CDH23: variants seen among roughly 807,000 people sequenced by gnomAD.
CDH23 encodes the protein cadherin related 23.
CDH23 carries 189 observed loss-of-function variants against 317.1 expected under a neutral mutation model. The observed-to-expected ratio is 0.60, with a 90% CI of 0.53 to 0.67. The LOEUF is 0.67. CDH23 is among the 30% of genes least tolerant of loss of function. CDH23 has a pLI of 0.00. For synonymous variants in CDH23, 1,839 were observed against 1,876.8 expected (o/e 0.98, Z 0.52); for missense variants, 4,401 against 4,592.4 (o/e 0.96, Z 1.20).
intron 1 of CDH23, among the ~76,000 whole-genome samples, chr10:71,408,139 T>A (rs1848195933): frequency 6.6e-6 from 1 of 152,240 alleles, no homozygotes; most frequent in South Asian, 2.1e-4. Flanking sequence ...GTCTTTGCAA[T>A]GGCTTGATGT....
intron 1 of CDH23, among the ~76,000 whole-genome samples, chr10:71,438,795 C>T (rs1849738975): frequency 6.6e-6 from 1 of 152,226 alleles, no homozygotes; most frequent in African/African-American, 2.4e-5. Flanking sequence ...TGTCTGATGG[C>T]TCTAAGCCTA....
At chr10:71,551,607 C>T (rs1856601087) in intron 6 of CDH23, among the ~76,000 whole-genome samples, 1 of 152,024 alleles carries the variant, frequency 6.6e-6, no homozygotes, top group African/African-American at 2.4e-5. Flanking sequence ...CATGGCCATC[C>T]TAGGAAAGCC....
chr10:71,709,833 G>T (rs1865910554), intron 27 of CDH23, among the ~76,000 whole-genome samples: 1 of 152,126 alleles, frequency 6.6e-6, no homozygotes, highest in Admixed American at 6.5e-5. Context: ...AGGAAAAAGG[G>T]TTTAATGGGA....
intron 14 of CDH23, 28 bp from the exon 15 acceptor site, chr10:71,675,084 T>G (rs765863728): frequency 1.2e-5 from 20 of 1,609,294 alleles, no homozygotes; most frequent in Non-Finnish European, 1.6e-5. Flanking sequence ...GGCCTGGCAG[T>G]AATGACTTCT....
intron 1 of CDH23, among the ~76,000 whole-genome samples, chr10:71,429,377 C>T (rs574637944): frequency 8.5e-5 from 13 of 152,226 alleles, no homozygotes; most frequent in Non-Finnish European, 1.8e-4. Context: ...TAGACAAGTC[C>T]CTCTGCACAA....
At position 71,702,541 on chromosome 10, in the gene CDH23, C is replaced by G; in HGVS notation, c.2588-8C>G. 6.2e-7 allele frequency: 1 copy of G among 1,613,928 alleles called. No homozygotes were observed. The highest frequency in any genetic ancestry group is 8.5e-7 in the Non-Finnish European group (1 of 1,179,856). ...GTCCTTGGCCCCTTCTCGCCCTGGT[C>G]TTCCCAGGTGGCAGGCCCCCTCTGA... On this transcript the variant is annotated splice_polypyrimidine_tract_variant and splice_region_variant and intron_variant, in intron 23 of 69. Coordinates refer to ENST00000224721, the MANE Select transcript of CDH23 (RefSeq NM_022124.6).
At chr10:71,792,264 TATA>T (rs1165172618) in intron 47 of CDH23, among the ~76,000 whole-genome samples, 2 of 152,150 alleles carry the variant, frequency 1.3e-5, no homozygotes, top group Admixed American at 1.3e-4. Flanking sequence ...TGTAATCTAA[TATA>T]ATAATAATGT....
At chr10:71,617,668 G>T in intron 11 of CDH23, 1 of 449,456 alleles carries the variant, frequency 2.2e-6, no homozygotes, top group African/African-American at 2.1e-5. Flanking sequence ...TAATCTAGTA[G>T]GGATATTGTA....
intron 3 of CDH23, among the ~76,000 whole-genome samples, chr10:71,474,734 T>A (rs1162885524): frequency 6.6e-6 from 1 of 152,204 alleles, no homozygotes; most frequent in Non-Finnish European, 1.5e-5. Context: ...CTTTCCTTCT[T>A]AAGAGAACTT....
At chr10:71,667,348 A>AAGAGAGAGAGAGAGAG (rs71480588) in intron 14 of CDH23, among the ~76,000 whole-genome samples, 4 of 122,306 alleles carry the variant, frequency 3.3e-5, no homozygotes, top group African/African-American at 9.2e-5. Context: ...GAGGCAGAGA[A>AAGAGAGAGAGAGAGAG]AGAGAGAGAG....
intron 14 of CDH23, among the ~76,000 whole-genome samples, chr10:71,664,020 T>C (rs1197754774): frequency 6.7e-6 from 1 of 150,026 alleles, no homozygotes; most frequent in African/African-American, 2.5e-5. Context: ...AAAAAAGGAT[T>C]ACGGACTGGT....
intron 8 of CDH23, among the ~76,000 whole-genome samples, chr10:71,574,988 C>T (rs1357261057): frequency 2.0e-5 from 3 of 150,856 alleles, no homozygotes; most frequent in Non-Finnish European, 4.4e-5. Context: ...CTCAGCAAAT[C>T]CCTGAGCACT....
chr10:71,599,339 C>T (rs560310407), intron 9 of CDH23, among the ~76,000 whole-genome samples: 1 of 152,220 alleles, frequency 6.6e-6, no homozygotes, highest in African/African-American at 2.4e-5. Context: ...CTGATCCTGA[C>T]GTTGGCTTCA....
At chr10:71,804,579 G>A (rs928252020) in intron 55 of CDH23, among the ~76,000 whole-genome samples, 3 of 152,162 alleles carry the variant, frequency 2.0e-5, no homozygotes, top group African/African-American at 4.8e-5. Context: ...CCAAGGCTAA[G>A]CTCAAAGAAG....
chr10:71,399,058 C>T (rs1275589266), intron 1 of CDH23, among the ~76,000 whole-genome samples: 2 of 152,230 alleles, frequency 1.3e-5, no homozygotes, highest in East Asian at 3.8e-4. Context: ...TCTGGAATAG[C>T]TCCCCCACTC....
chr10:71,524,150 C>G (rs552510559), intron 6 of CDH23, among the ~76,000 whole-genome samples: 1 of 152,342 alleles, frequency 6.6e-6, no homozygotes, highest in East Asian at 1.9e-4. Context: ...ATATGCAGGA[C>G]TATTTGATCA....
Position 71,571,340 on chromosome 10 carries a change from G to T in CDH23, c.753+422G>T, listed in dbSNP as rs191243581. ...GCTGATGAGCACTGCCAGAGAGGGT[G>T]GCAGCTGCCCTTCTTCAAGGGTCCT... On this transcript the variant is annotated intron_variant, in intron 8 of 69. Transcript: ENST00000224721. Among the ~76,000 whole-genome samples, 4 of 152,316 alleles carry T rather than the reference G, an allele frequency of 2.6e-5. No homozygotes were observed. In the East Asian group the frequency reaches 7.7e-4, roughly 29 times the overall value.
intron 28 of CDH23, among the ~76,000 whole-genome samples, chr10:71,718,920 G>GT (rs1364371995): frequency 6.6e-6 from 1 of 151,812 alleles, no homozygotes; most frequent in Non-Finnish European, 1.5e-5. Context: ...AAAAAAAAAG[G>GT]TTTTTTAATT....
chr10:71,508,778 G>A (rs115878244), intron 3 of CDH23, among the ~76,000 whole-genome samples: 1 of 152,158 alleles, frequency 6.6e-6, no homozygotes, highest in Non-Finnish European at 1.5e-5. Flanking sequence ...GAGAATCAGA[G>A]GAAGACTATA....
Sources: gnomAD v4.1 joint callset for allele counts (sites outside exome capture counted in the v4.1 genomes callset) on GRCh38, gnomAD v4.1.1 for gene constraint, MANE v1.5 for transcripts, NCBI Gene and HGNC (gene_info 2026-07-23, HGNC 2026-07-21) for gene names.